Variants in IPO9 observed in about 807,000 individuals in gnomAD.
IPO9 encodes importin-9.
Under a neutral mutation model 128.6 loss-of-function variants are expected in IPO9, and 28 were observed. The ratio of observed to expected loss-of-function variants is 0.22; its 90% CI spans 0.16 to 0.30. IPO9 has a LOEUF of 0.30. IPO9 is among the 10% of genes least tolerant of loss of function. The pLI is 1.00. For missense variants in IPO9, 935 were observed against 1,293.9 expected, an observed-to-expected ratio of 0.72 and a Z score of 4.26; for synonymous variants, 455 against 475.8, an observed-to-expected ratio of 0.96 and a Z score of 0.57.
intron 6 of IPO9, among the ~76,000 whole-genome samples, chr1:201,853,987 C>T (rs1002285452): frequency 3.9e-5 from 6 of 152,152 alleles, no homozygotes; most frequent in African/African-American, 9.7e-5. Context: ...CCACCCACCT[C>T]GGCCTCCCAA....
Position 201,829,243 on chromosome 1 carries a change from G to A in IPO9, c.34G>A (p.Gly12Arg), listed in dbSNP as rs1189581863. ...AAAAAAGAAS[G>R]LPGPVAQGLK... ...GGCGGCGGCAGCTGGTGCGGCCTCCGGGCTGCCGGGTCCAGTGGCACAAGG... is the reference window on the plus strand; with the variant it reads ...GGCGGCGGCAGCTGGTGCGGCCTCCAGGCTGCCGGGTCCAGTGGCACAAGG... Residue 12 changes from glycine to arginine, a missense_variant, in exon 1 of 24, where the codon GGG becomes AGG. By Grantham distance (125) the Gly-to-Arg change is moderately radical (BLOSUM62 -2). Coordinates refer to ENST00000361565, the MANE Select transcript of IPO9 (RefSeq NM_018085.5). 11 of 1,578,966 alleles carry A rather than the reference G, an allele frequency of 7.0e-6. No homozygotes were observed. Among genetic ancestry groups the A allele is most frequent in the Admixed American group, 5.3e-5 (3 of 56,110 alleles).
Position 201,871,152 on chromosome 1 carries a change from T to A in IPO9, c.2410-9T>A. On this transcript the variant is annotated splice_polypyrimidine_tract_variant and intron_variant, in intron 18 of 23. Coordinates refer to ENST00000361565, the MANE Select transcript of IPO9 (RefSeq NM_018085.5). ...TTTCCCTGAAGCAAATGTCCTTATTTTCTCCTAGTCCCTGATCATGGTGTT... is the reference window on the plus strand; with the variant it reads ...TTTCCCTGAAGCAAATGTCCTTATTATCTCCTAGTCCCTGATCATGGTGTT... 6.2e-7 allele frequency: 1 copy of A among 1,609,942 alleles called. No homozygotes were observed. Among genetic ancestry groups the A allele is most frequent in the Non-Finnish European group, 8.5e-7 (1 of 1,177,840 alleles).
chr1:201,833,484 C>T (rs539946950), intron 1 of IPO9, among the ~76,000 whole-genome samples: 1 of 152,224 alleles, frequency 6.6e-6, no homozygotes, highest in African/African-American at 2.4e-5. Flanking sequence ...GGTGATCCAC[C>T]CACCTTGCCC....
intron 11 of IPO9, 45 bp downstream of exon 11, chr1:201,857,239 C>A: frequency 1.6e-6 from 2 of 1,279,698 alleles, no homozygotes; most frequent in Non-Finnish European, 2.3e-6. Flanking sequence ...CTATCAGTCA[C>A]TTGAGCATTT....
At chr1:201,858,405 T>A (rs188055870) in intron 11 of IPO9, 42 bp from the exon 12 acceptor site, 293 of 1,167,398 alleles carry the variant, frequency 2.5e-4, no homozygotes, top group Non-Finnish European at 2.1e-4. Context: ...AAAATGCATT[T>A]AATGGGCACA....
At chr1:201,839,560 C>CAA (rs4025036) in intron 1 of IPO9, among the ~76,000 whole-genome samples, 717 of 32,922 alleles carry the variant, frequency 0.022, 19 homozygotes, top group African/African-American at 0.038. Flanking sequence ...GACTCCATCT[C>CAA]AAAAAAAAAA....
intron 13 of IPO9, among the ~76,000 whole-genome samples, chr1:201,862,385 G>A (rs1680466621): frequency 6.6e-6 from 1 of 151,920 alleles, no homozygotes; most frequent in Admixed American, 6.6e-5. Context: ...TCGAACCCGG[G>A]AAGCAGCGGT....
At position 201,829,199 on chromosome 1, in the gene IPO9, G is replaced by A. The variant is rs746672742; in HGVS notation, c.-11G>A. 3 of 1,529,904 alleles carry A rather than the reference G, an allele frequency of 2.0e-6. No homozygotes were observed. The South Asian group carries it at 3.7e-5, about 19-fold the overall frequency. The allele number at this position is 1,529,904 out of a possible 1,614,324, so 94.8% of individuals were successfully genotyped here. On this transcript the variant is annotated 5_prime_UTR_variant, in exon 1 of 24. Transcript: ENST00000361565. ...CCCGGCCGCGGGGCTGGCGGGCTGA[G>A]GGGAGAAAAGATGGCGGCGGCGGCG...
chr1:201,857,352 G>A (rs1192306537), intron 11 of IPO9, among the ~76,000 whole-genome samples, 158 bp downstream of exon 11: 1 of 152,148 alleles, frequency 6.6e-6, no homozygotes, highest in African/African-American at 2.4e-5. Flanking sequence ...TGAAATTCGA[G>A]ACTCAGAAAT....
At position 201,876,192 on chromosome 1, in the gene IPO9, T is replaced by C; in HGVS notation, c.*138T>C. 1 of 759,062 alleles carries C rather than the reference T, an allele frequency of 1.3e-6. No individual in the cohort carries two copies. The highest frequency in any genetic ancestry group is 2.5e-5 in the East Asian group (1 of 40,224). The allele number at this position is 759,062 out of a possible 1,614,324, so 47.0% of individuals were successfully genotyped here. On this transcript the variant is annotated 3_prime_UTR_variant, in exon 24 of 24. Coordinates refer to ENST00000361565, the MANE Select transcript of IPO9 (RefSeq NM_018085.5). ...TGGCCCTTGGCCTCGGCAGTGACACTGATGACAATTCAGACCAGGCTCACC... is the reference window on the plus strand; with the variant it reads ...TGGCCCTTGGCCTCGGCAGTGACACCGATGACAATTCAGACCAGGCTCACC...
chr1:201,870,482 A>G lies in IPO9; in HGVS notation c.2134-101A>G. Reference sequence around the variant, plus strand: ...CAAACATTATAGACTCACCGCTTTTATGAGGCATAGGCCTCTGGGAACATT... The same window carrying G: ...CAAACATTATAGACTCACCGCTTTTGTGAGGCATAGGCCTCTGGGAACATT... On this transcript the variant is annotated intron_variant, in intron 17 of 23. Transcript: ENST00000361565. This position sits in a 1 kb window ranked among gnomAD's most constrained non-coding sequence, Gnocchi z 4.9. 2 of 1,326,356 alleles carry G rather than the reference A, an allele frequency of 1.5e-6. No individual in the cohort carries two copies. Among genetic ancestry groups the G allele is most frequent in the Non-Finnish European group, 2.0e-6 (2 of 977,970 alleles). 82.2% of individuals were successfully genotyped at this position (1,326,356 alleles called of 1,614,324 possible). A position where few individuals can be genotyped will look rare whatever the true frequency, so the allele number is the denominator to read the frequency against.
At chr1:201,842,483 T>C (rs1680052375) in intron 1 of IPO9, among the ~76,000 whole-genome samples, 1 of 152,094 alleles carries the variant, frequency 6.6e-6, no homozygotes, top group African/African-American at 2.4e-5. Context: ...TAAGCCTGCC[T>C]AGATATTTCC....
intron 5 of IPO9, 64 bp from the exon 6 acceptor site, chr1:201,852,947 A>G: frequency 1.6e-6 from 2 of 1,277,752 alleles, no homozygotes; most frequent in Non-Finnish European, 2.3e-6. Context: ...CTAGTCTGAG[A>G]TACACACATA....
Position 201,854,643 on chromosome 1 carries a change from G to T in IPO9, c.739G>T (p.Ala247Ser). The T allele has an allele frequency of 6.2e-7, 1 of 1,614,172 alleles. No homozygotes were observed. Among genetic ancestry groups the T allele is most frequent in the Non-Finnish European group, 8.5e-7 (1 of 1,180,040 alleles). ...IFPVVQQFTE[A>S]FVQALQIPDG... The stretch of plus-strand genomic sequence containing the variant: ...TCCCGTGGTACAGCAGTTCACAGAG[G>T]CCTTTGTTCAGGCCCTCCAGATACC... The change falls in exon 7 of 24, where the codon GCC (alanine) becomes TCC (serine). Residue 247 changes from alanine to serine, a missense_variant. Ala to Ser is a moderately conservative substitution (Grantham distance 99). Coordinates refer to ENST00000361565, the MANE Select transcript of IPO9 (RefSeq NM_018085.5).
At chr1:201,852,219 A>T (rs1260467659) in intron 5 of IPO9, 27 bp downstream of exon 5, 1 of 1,455,160 alleles carries the variant, frequency 6.9e-7, no homozygotes, top group Non-Finnish European at 9.7e-7. Context: ...CCAAGATTAT[A>T]GTGAGTTCAG....
At chr1:201,833,790 T>C (rs1483138453) in intron 1 of IPO9, among the ~76,000 whole-genome samples, 2 of 152,224 alleles carry the variant, frequency 1.3e-5, no homozygotes, top group Admixed American at 1.3e-4. Context: ...TTTTTCTTTC[T>C]TTCTTTTTTT....
intron 13 of IPO9, among the ~76,000 whole-genome samples, 186 bp downstream of exon 13, chr1:201,859,180 AATATATAT>A (rs148348918): frequency 1.2e-5 from 1 of 83,478 alleles, no homozygotes; most frequent in Non-Finnish European, 2.5e-5. Context: ...CTCAAAGTAT[AATATATAT>A]ATATATATAT....
chr1:201,875,248 T>C lies in IPO9; in HGVS notation c.3015+20T>C, dbSNP rs746040204. On this transcript the variant is annotated intron_variant, in intron 23 of 23. Transcript: ENST00000361565. ...CTGCAGGTGAGGGTGTCCAGAGATA[T>C]CTTGCAAATGACAATGTCCCAGGCC... The C allele has an allele frequency of 6.9e-6, 11 of 1,601,666 alleles. No homozygotes were observed. In the East Asian group the frequency reaches 1.3e-4, roughly 20 times the overall value.
chr1:201,858,966 T>C lies in IPO9; in HGVS notation c.1440T>C (p.Asn480=), dbSNP rs778471295. The C allele has an allele frequency of 6.2e-7, 1 of 1,611,812 alleles. No individual in the cohort carries two copies. ...TTGACATGCATGGGTTCCTGACCAA[T>C]GTCATCCTTGCAGACCTCAACCTCT... ...IHFDMHGFLT[N]VILADLNLSV... The change falls in exon 13 of 24, where the codon AAT becomes AAC. Residue 480 remains asparagine, a synonymous_variant. Transcript: ENST00000361565.
Sources: allele counts gnomAD v4.1 joint callset (sites outside exome capture counted in the v4.1 genomes callset), GRCh38; gene constraint gnomAD v4.1.1; non-coding constraint Gnocchi (gnomAD v3.1); transcripts MANE v1.5; gene names NCBI Gene and HGNC (gene_info 2026-07-23, HGNC 2026-07-21).